Variants in B3GALT1 observed in about 807,000 individuals in gnomAD.
The protein encoded by B3GALT1 is UDP-Gal:betaGlcNAc beta 1,3-galactosyltransferase, polypeptide 1.
In B3GALT1, 10 loss-of-function variants were observed where a neutral mutation model predicts 23.2. The observed-to-expected ratio is 0.43, with a 90% CI of 0.27 to 0.73. The LOEUF (loss-of-function observed/expected upper bound fraction) is 0.73. Ranked by LOEUF, B3GALT1 falls within the 30% of genes least tolerant of loss-of-function variation. The probability of loss-of-function intolerance (pLI) is 0.21; values close to 1 mark genes in which losing one functional copy is unlikely to be tolerated. For missense variants in B3GALT1, 299 were observed against 405.4 expected (o/e 0.74, Z 2.25); for synonymous variants, 156 against 141.5 (o/e 1.10, Z -0.73).
At chr2:167,475,777 TG>T (rs901585748) in intron 1 of B3GALT1, among the ~76,000 whole-genome samples, 8 of 152,082 alleles carry the variant, frequency 5.3e-5, no homozygotes, top group African/African-American at 1.9e-4. Context: ...TTTACGGTTC[TG>T]GGGTCTGAAA....
At chr2:167,639,960 T>G (rs1390281407) in intron 2 of B3GALT1, among the ~76,000 whole-genome samples, 1 of 152,144 alleles carries the variant, frequency 6.6e-6, no homozygotes, top group East Asian at 1.9e-4. Context: ...TGAGGTTATC[T>G]GGGACACATT....
intron 4 of B3GALT1, among the ~76,000 whole-genome samples, chr2:167,844,825 G>T (rs1391641099): frequency 6.6e-6 from 1 of 152,212 alleles, no homozygotes; most frequent in Non-Finnish European, 1.5e-5. Context: ...TTCTTTCCCA[G>T]CTGGGAGGCA....
chr2:167,514,064 G>T (rs144346157), intron 2 of B3GALT1, among the ~76,000 whole-genome samples: 1 of 151,902 alleles, frequency 6.6e-6, no homozygotes, highest in East Asian at 1.9e-4. Flanking sequence ...CCACCACCAC[G>T]CCCAGCTAAT....
At chr2:167,727,452 G>T (rs182821033) in intron 3 of B3GALT1, among the ~76,000 whole-genome samples, 2 of 151,966 alleles carry the variant, frequency 1.3e-5, no homozygotes, top group African/African-American at 4.8e-5. Context: ...TTGGGGTGTC[G>T]GGCACTGTTT....
At chr2:167,758,530 T>C (rs974538685) in intron 3 of B3GALT1, among the ~76,000 whole-genome samples, 2 of 152,296 alleles carry the variant, frequency 1.3e-5, no homozygotes, top group South Asian at 2.1e-4. Context: ...TCAGCACCTC[T>C]GGGCTCCAGT....
At position 167,823,268 on chromosome 2, in the gene B3GALT1, G is replaced by C. The variant is rs1298473810; in HGVS notation, c.-230+4475G>C. On this transcript the variant is annotated intron_variant, in intron 4 of 4. Transcript: ENST00000392690. ...AGAAATTTAGGGCTTATTTGTTACA[G>C]CTGCTGGTGTGGACCTAACAGAGAG... Among the ~76,000 whole-genome samples, 7 of 152,318 alleles carry C rather than the reference G, an allele frequency of 4.6e-5. No individual in the cohort carries two copies. In the East Asian group the frequency reaches 1.4e-3, roughly 29 times the overall value.
At chr2:167,847,808 G>A (rs1019139868) in intron 4 of B3GALT1, among the ~76,000 whole-genome samples, 1 of 151,826 alleles carries the variant, frequency 6.6e-6, no homozygotes, top group Non-Finnish European at 1.5e-5. Context: ...ACAAAAAGCT[G>A]GTTCTTTCAA....
intron 1 of B3GALT1, among the ~76,000 whole-genome samples, chr2:167,467,560 G>C (rs73022083): frequency 6.6e-6 from 1 of 152,136 alleles, no homozygotes; most frequent in Non-Finnish European, 1.5e-5. Context: ...CATATGACTG[G>C]CAGAGTTGTG....
Position 167,297,395 on chromosome 2 carries a change from T to A in B3GALT1, c.-511+4061T>A, listed in dbSNP as rs564174278. ...TTTATGTACCTCTGTAAAAACTGAT[T>A]AAAAAAAAAAAACTAGGTTTTGAGG... On this transcript the variant is annotated intron_variant, in intron 1 of 4. Transcript: ENST00000392690. Among the ~76,000 whole-genome samples, 113 of 144,284 alleles carry A rather than the reference T, an allele frequency of 7.8e-4. 1 individual carries two copies. The South Asian group carries it at 8.4e-3, about 11-fold the overall frequency. The allele number at this position is 144,284 out of a possible 152,430, so 94.7% of individuals were successfully genotyped here. A position where few individuals can be genotyped will look rare whatever the true frequency, so the allele number is the denominator to read the frequency against.
chr2:167,766,064 A>T (rs1012211305), intron 3 of B3GALT1, among the ~76,000 whole-genome samples: 9 of 152,224 alleles, frequency 5.9e-5, no homozygotes, highest in African/African-American at 1.9e-4. Flanking sequence ...TACGGATTGG[A>T]TGCAAAATTA....
chr2:167,742,840 T>G (rs992384460), intron 3 of B3GALT1, among the ~76,000 whole-genome samples: 1 of 152,148 alleles, frequency 6.6e-6, no homozygotes, highest in South Asian at 2.1e-4. Context: ...CATTGTGCCT[T>G]TCTTCTGGTT....
At chr2:167,505,354 T>A in intron 2 of B3GALT1, among the ~76,000 whole-genome samples, 1 of 152,148 alleles carries the variant, frequency 6.6e-6, no homozygotes, top group East Asian at 1.9e-4. Context: ...GGAGTATTTT[T>A]AAGTGTGATA....
At chr2:167,432,935 T>A (rs531760808) in intron 1 of B3GALT1, among the ~76,000 whole-genome samples, 1 of 152,250 alleles carries the variant, frequency 6.6e-6, no homozygotes, top group East Asian at 1.9e-4. Context: ...CACATGAATA[T>A]CACCCAAATT....
At position 167,871,965 on chromosome 2, in the gene B3GALT1, A is replaced by T. The variant is rs1035012536; in HGVS notation, c.*1945A>T. 1 of 138,414 alleles carries T rather than the reference A, an allele frequency of 7.2e-6. No individual in the cohort carries two copies. The highest frequency in any genetic ancestry group is 1.5e-5 in the Non-Finnish European group (1 of 66,208). 8.6% of individuals were successfully genotyped at this position (138,414 alleles called of 1,614,324 possible). On this transcript the variant is annotated 3_prime_UTR_variant, in exon 5 of 5. Coordinates refer to ENST00000392690, the MANE Select transcript of B3GALT1 (RefSeq NM_020981.4). ...GGCCCAGGCGGGAGTGCAGTGGCAC[A>T]ATCTCGGCTCACTGCAAGCTCCGCC...
chr2:167,798,072 T>G (rs554147417), intron 3 of B3GALT1, among the ~76,000 whole-genome samples: 1 of 152,334 alleles, frequency 6.6e-6, no homozygotes, highest in Admixed American at 6.5e-5. Context: ...ATATGTTTGT[T>G]GGTTGCATGA....
intron 1 of B3GALT1, among the ~76,000 whole-genome samples, chr2:167,473,872 TAG>T (rs1699453030): frequency 1.3e-5 from 2 of 152,152 alleles, no homozygotes; most frequent in African/African-American, 2.4e-5. Flanking sequence ...TTAAATGTCG[TAG>T]AGTAGCGTAG....
chr2:167,629,398 T>C (rs571539841), intron 2 of B3GALT1, among the ~76,000 whole-genome samples: 7 of 151,856 alleles, frequency 4.6e-5, no homozygotes, highest in African/African-American at 1.2e-4. Flanking sequence ...GGCAGATAAT[T>C]TATTCATCAC....
At chr2:167,511,049 A>T (rs972693963) in intron 2 of B3GALT1, among the ~76,000 whole-genome samples, 4 of 152,190 alleles carry the variant, frequency 2.6e-5, no homozygotes, top group Non-Finnish European at 5.9e-5. Flanking sequence ...TTCAGTTAGA[A>T]ATTTCCATTT....
rs75686341 is a variant in B3GALT1 at position 167,391,882 on chromosome 2, T to G, written c.-510-98295T>G. On this transcript the variant is annotated intron_variant, in intron 1 of 4. Coordinates refer to ENST00000392690, the MANE Select transcript of B3GALT1 (RefSeq NM_020981.4). Reference sequence around the variant, plus strand: ...AATAAAGACCCTCAATTAATACCCATTGTATTCTTAAATGATATAACTTTA... The same window carrying G: ...AATAAAGACCCTCAATTAATACCCAGTGTATTCTTAAATGATATAACTTTA... Among the ~76,000 whole-genome samples, 22 of 152,268 alleles carry G rather than the reference T, an allele frequency of 1.4e-4. No individual in the cohort carries two copies. In the East Asian group the frequency reaches 4.3e-3, roughly 29 times the overall value.
Sources: allele counts gnomAD v4.1 joint callset (sites outside exome capture counted in the v4.1 genomes callset), GRCh38; gene constraint gnomAD v4.1.1; transcripts MANE v1.5; gene names NCBI Gene and HGNC (gene_info 2026-07-23, HGNC 2026-07-21).